Variants in ADK observed in about 807,000 individuals in gnomAD.
ADK encodes adenosine kinase.
In ADK, 24 loss-of-function variants were observed where a neutral mutation model predicts 44.7. The ratio of observed to expected loss-of-function variants is 0.54; its 90% CI spans 0.39 to 0.76. ADK has a LOEUF of 0.76. Among genes scored for constraint, ADK ranks in the 30% least tolerant of loss-of-function variants. The pLI is 0.00. For synonymous variants in ADK, 128 were observed against 142.6 expected, an observed-to-expected ratio of 0.90 and a Z score of 0.73; for missense variants, 321 against 425.1, an observed-to-expected ratio of 0.76 and a Z score of 2.15.
intron 3 of ADK, among the ~76,000 whole-genome samples, chr10:74,282,746 C>T (rs943959697): frequency 1.3e-5 from 2 of 152,072 alleles, no homozygotes; most frequent in South Asian, 2.1e-4. Context: ...CATTCCCTTA[C>T]CAGAACCTTT....
chr10:74,307,777 C>G (rs1840306490), intron 3 of ADK, among the ~76,000 whole-genome samples: 1 of 152,074 alleles, frequency 6.6e-6, no homozygotes, highest in Non-Finnish European at 1.5e-5. Context: ...CCATTATAAA[C>G]CATGGACTCT....
chr10:74,551,658 C>T (rs57618932), intron 7 of ADK, among the ~76,000 whole-genome samples: 4,717 of 152,236 alleles, frequency 0.031, 214 homozygotes, highest in African/African-American at 0.095. Flanking sequence ...TACATAATTT[C>T]TTTCCCTATA....
intron 7 of ADK, among the ~76,000 whole-genome samples, chr10:74,582,183 G>C (rs1485814362): frequency 6.6e-6 from 1 of 152,100 alleles, no homozygotes. Context: ...AATTAGCTGA[G>C]CATGGTGGTG....
intron 1 of ADK, among the ~76,000 whole-genome samples, chr10:74,188,274 T>C (rs1041064094): frequency 2.0e-5 from 3 of 152,020 alleles, no homozygotes; most frequent in African/African-American, 7.2e-5. Flanking sequence ...TGCTAGGGGT[T>C]TAGCAATTAA....
chr10:74,524,729 T>A (rs1396535026), intron 6 of ADK, among the ~76,000 whole-genome samples: 1 of 152,104 alleles, frequency 6.6e-6, no homozygotes, highest in Non-Finnish European at 1.5e-5. Flanking sequence ...TATTTTAAAG[T>A]CACTTATAAG....
chr10:74,594,767 A>C (rs1326030669), intron 8 of ADK, among the ~76,000 whole-genome samples: 2 of 152,186 alleles, frequency 1.3e-5, no homozygotes, highest in African/African-American at 4.8e-5. Context: ...CATTTATAAA[A>C]TGCTCACAGT....
At chr10:74,207,193 G>A (rs904825289) in intron 2 of ADK, among the ~76,000 whole-genome samples, 3 of 152,154 alleles carry the variant, frequency 2.0e-5, no homozygotes, top group African/African-American at 7.2e-5. Context: ...AGGAACCCAC[G>A]TCTGGACGAG....
intron 3 of ADK, among the ~76,000 whole-genome samples, chr10:74,276,221 C>T (rs1483753143): frequency 6.6e-6 from 1 of 152,146 alleles, no homozygotes; most frequent in East Asian, 1.9e-4. Context: ...AATATGGGCC[C>T]TGTGAGGCAT....
intron 4 of ADK, among the ~76,000 whole-genome samples, chr10:74,317,581 G>T (rs200417673): frequency 7.4e-6 from 1 of 134,882 alleles, no homozygotes; most frequent in African/African-American, 2.7e-5. Flanking sequence ...AAAAAAAAAA[G>T]AAATGGAAGA....
At chr10:74,682,557 T>C (rs189271476) in intron 10 of ADK, among the ~76,000 whole-genome samples, 40 of 92,492 alleles carry the variant, frequency 4.3e-4, no homozygotes, top group African/African-American at 1.3e-3. Flanking sequence ...AAGCTTTAGT[T>C]TTCTTTTCTT....
chr10:74,647,139 C>T (rs1036692043), intron 9 of ADK, among the ~76,000 whole-genome samples: 3 of 151,292 alleles, frequency 2.0e-5, no homozygotes, highest in Non-Finnish European at 2.9e-5. Context: ...TGTTTTCTCT[C>T]ACTAATTAGT....
At chr10:74,620,566 C>CCA (rs1852957387) in intron 9 of ADK, among the ~76,000 whole-genome samples, 1 of 152,182 alleles carries the variant, frequency 6.6e-6, no homozygotes, top group Non-Finnish European at 1.5e-5. Flanking sequence ...GTGAATAATG[C>CCA]TGTAGTAAAC....
At chr10:74,322,670 C>T (rs544980640) in intron 4 of ADK, among the ~76,000 whole-genome samples, 110 of 152,026 alleles carry the variant, frequency 7.2e-4, no homozygotes, top group Middle Eastern at 3.4e-3. Context: ...AAAGAAAAAT[C>T]AGTATTTCAT....
intron 4 of ADK, among the ~76,000 whole-genome samples, chr10:74,327,753 A>G (rs1383468266): frequency 6.6e-6 from 1 of 152,218 alleles, no homozygotes. Flanking sequence ...AGTTAAAAAA[A>G]AAAGTTGTCT....
At chr10:74,495,972 G>C (rs1257686324) in intron 6 of ADK, among the ~76,000 whole-genome samples, 1 of 152,076 alleles carries the variant, frequency 6.6e-6, no homozygotes, top group Non-Finnish European at 1.5e-5. Flanking sequence ...TCCATATACT[G>C]TCTGACCTCA....
intron 3 of ADK, among the ~76,000 whole-genome samples, chr10:74,225,080 C>G (rs1820481379): frequency 6.6e-6 from 1 of 152,058 alleles, no homozygotes; most frequent in Non-Finnish European, 1.5e-5. Flanking sequence ...AGGTAAAACA[C>G]TTTATTTTAT....
intron 3 of ADK, among the ~76,000 whole-genome samples, chr10:74,267,813 G>C (rs1200346122): frequency 1.0e-5 from 1 of 95,602 alleles, no homozygotes; most frequent in Non-Finnish European, 2.4e-5. Context: ...TGTTTTAGTG[G>C]CTCTAAAAAC....
intron 6 of ADK, among the ~76,000 whole-genome samples, chr10:74,417,786 G>A (rs1370221546): frequency 6.6e-6 from 1 of 150,688 alleles, no homozygotes; most frequent in African/African-American, 2.4e-5. Flanking sequence ...TTTTATTACT[G>A]GGTTTCCATT....
At chr10:74,361,737 T>C (rs1284757906) in intron 4 of ADK, among the ~76,000 whole-genome samples, 1 of 152,248 alleles carries the variant, frequency 6.6e-6, no homozygotes, top group Non-Finnish European at 1.5e-5. Flanking sequence ...CATTTCTTAT[T>C]GGACAAGTCT....
Sources: allele counts gnomAD v4.1 joint callset (sites outside exome capture counted in the v4.1 genomes callset), GRCh38; gene constraint gnomAD v4.1.1; transcripts MANE v1.5; gene names NCBI Gene and HGNC (gene_info 2026-07-23, HGNC 2026-07-21).